The following REDIC1 variants were observed in gnomAD, a reference collection of about 807,000 sequenced individuals.
The protein encoded by REDIC1 is HEI10 Interacting Protein 1.
the REDIC1 span, chr12:39,720,790 T>C: frequency 6.2e-7 from 1 of 1,602,754 alleles, no homozygotes; most frequent in Admixed American, 1.7e-5. Context: ...TTTTTAGCCA[T>C]CTGAAGATGA....
At chr12:39,760,340 C>A in the REDIC1 span, 1 of 1,241,836 alleles carries the variant, frequency 8.1e-7, no homozygotes, top group Non-Finnish European at 1.1e-6. Flanking sequence ...CTTTTTTTTT[C>A]TGGTCAGTCA....
At chr12:39,889,967 G>A in the REDIC1 span, among the ~76,000 whole-genome samples, 1 of 151,750 alleles carries the variant, frequency 6.6e-6, no homozygotes. Context: ...ACTAATCTCT[G>A]GCCAATAATA....
At chr12:39,803,218 A>AAC in the REDIC1 span, among the ~76,000 whole-genome samples, 1 of 151,908 alleles carries the variant, frequency 6.6e-6, no homozygotes, top group African/African-American at 2.4e-5. Flanking sequence ...AAAAAAAAAA[A>AAC]AAAACTTTCT....
the REDIC1 span, among the ~76,000 whole-genome samples, chr12:39,807,044 G>A: frequency 7.2e-5 from 11 of 152,268 alleles, no homozygotes; most frequent in African/African-American, 2.6e-4. Context: ...AAACACATTA[G>A]GTTGGTGCAA....
chr12:39,702,824 A>T, the REDIC1 span, among the ~76,000 whole-genome samples: 1 of 152,210 alleles, frequency 6.6e-6, no homozygotes, highest in Non-Finnish European at 1.5e-5. Flanking sequence ...ACAGAACCAA[A>T]GACAAAAACC....
the REDIC1 span, among the ~76,000 whole-genome samples, chr12:39,660,822 A>G: frequency 1.3e-4 from 20 of 152,098 alleles, no homozygotes; most frequent in Non-Finnish European, 2.4e-4. Context: ...CTCTGCACAC[A>G]TATCTACATC....
the REDIC1 span, among the ~76,000 whole-genome samples, chr12:39,846,245 T>C: frequency 1.3e-5 from 2 of 152,156 alleles, no homozygotes; most frequent in Admixed American, 1.3e-4. Flanking sequence ...TTATAGGTAT[T>C]ATTCACCTTT....
At chr12:39,720,982 G>C in the REDIC1 span, 1 of 1,613,700 alleles carries the variant, frequency 6.2e-7, no homozygotes. Flanking sequence ...AAATAATACA[G>C]ATCAGTTTCC....
At chr12:39,864,966 A>C in the REDIC1 span, 3 of 1,281,006 alleles carry the variant, frequency 2.3e-6, no homozygotes, top group South Asian at 4.8e-5. Context: ...CAAACCAAAA[A>C]ACAAAGAAAC....
At chr12:39,861,257 T>C in the REDIC1 span, among the ~76,000 whole-genome samples, 1 of 152,232 alleles carries the variant, frequency 6.6e-6, no homozygotes. Flanking sequence ...GACTGTAATG[T>C]TTATTGAGTG....
At chr12:39,712,959 A>G in the REDIC1 span, among the ~76,000 whole-genome samples, 1 of 21,452 alleles carries the variant, frequency 4.7e-5, no homozygotes, top group African/African-American at 1.7e-4. Context: ...ACATATATGC[A>G]TATACGTGTA....
At chr12:39,823,171 T>TA in the REDIC1 span, among the ~76,000 whole-genome samples, 16 of 152,266 alleles carry the variant, frequency 1.1e-4, no homozygotes, top group East Asian at 1.2e-3. Flanking sequence ...AGCAGTAACA[T>TA]AAAAAAGTAT....
chr12:39,740,809 G>A, the REDIC1 span, among the ~76,000 whole-genome samples: 13 of 152,152 alleles, frequency 8.5e-5, no homozygotes, highest in African/African-American at 3.1e-4. Flanking sequence ...GAATTAAGAG[G>A]TAATGTGAAA....
the REDIC1 span, chr12:39,829,389 A>ATTATTTTTTTTTTT: frequency 1.5e-5 from 1 of 65,780 alleles, no homozygotes; most frequent in African/African-American, 6.7e-5. Context: ...TGTGATAGTA[A>ATTATTTTTTTTTTT]TTCTTTTTTT....
chr12:39,887,592 GTTTT>G, the REDIC1 span, among the ~76,000 whole-genome samples: 1 of 152,214 alleles, frequency 6.6e-6, no homozygotes. Flanking sequence ...TTGAGCAGGA[GTTTT>G]TTTAAGCACC....
At chr12:39,805,176 C>G in the REDIC1 span, among the ~76,000 whole-genome samples, 1 of 150,702 alleles carries the variant, frequency 6.6e-6, no homozygotes, top group Admixed American at 6.7e-5. Flanking sequence ...TTGGACGTGG[C>G]CAGAATGTGT....
At chr12:39,802,722 T>C in the REDIC1 span, among the ~76,000 whole-genome samples, 1 of 152,146 alleles carries the variant, frequency 6.6e-6, no homozygotes, top group Non-Finnish European at 1.5e-5. Context: ...TATATATAGA[T>C]ATAAAGATAC....
At chr12:39,830,349 A>G in the REDIC1 span, 1 of 1,457,960 alleles carries the variant, frequency 6.9e-7, no homozygotes, top group Non-Finnish European at 9.0e-7. Context: ...GGGCCTTGGG[A>G]CTTGTTTTGG....
At chr12:39,738,174 G>C in the REDIC1 span, among the ~76,000 whole-genome samples, 1 of 152,126 alleles carries the variant, frequency 6.6e-6, no homozygotes, top group Non-Finnish European at 1.5e-5. Context: ...CAGATATACC[G>C]GTTAAATGCT....
Sources: allele counts gnomAD v4.1 joint callset (sites outside exome capture counted in the v4.1 genomes callset), GRCh38; gene constraint gnomAD v4.1.1; transcripts MANE v1.5; gene names NCBI Gene and HGNC (gene_info 2026-07-23, HGNC 2026-07-21).